Variants in STXBP2 observed in about 807,000 individuals in gnomAD.
STXBP2 encodes the protein syntaxin binding protein 2.
STXBP2 carries 47 observed loss-of-function variants against 72.2 expected under a neutral mutation model. The observed-to-expected ratio is 0.65, with a 90% CI of 0.51 to 0.83. The LOEUF (loss-of-function observed/expected upper bound fraction) is 0.83. Among genes scored for constraint, STXBP2 ranks in the 40% least tolerant of loss-of-function variants. STXBP2 has a pLI of 0.00. For synonymous variants in STXBP2, 367 were observed against 338.7 expected (o/e 1.08, Z -0.92); for missense variants, 702 against 807.6 (o/e 0.87, Z 1.58).
In STXBP2 at chr19:7,647,408, C is replaced by T. The variant is rs772431177; in HGVS notation, c.1593C>T (p.Gly531=). 11 of 1,612,030 alleles carry T rather than the reference C, an allele frequency of 6.8e-6. No individual in the cohort carries two copies. Among genetic ancestry groups the T allele is most frequent in the Non-Finnish European group, 1.7e-6 (2 of 1,178,830 alleles). ...KNKAGIEARA[G]PRLIVYVMGG... ...AGGCTGGCATAGAAGCCCGGGCGGGCCCCCGGCTCATCGTGTATGTCATGG... is the reference window on the plus strand; with the variant it reads ...AGGCTGGCATAGAAGCCCGGGCGGGTCCCCGGCTCATCGTGTATGTCATGG... The change falls in exon 18 of 19, where the codon GGC becomes GGT. Residue 531 remains glycine (G), a synonymous_variant. Coordinates refer to ENST00000221283, the MANE Select transcript of STXBP2 (RefSeq NM_006949.4).
At chr19:7,640,111 T>A in intron 4 of STXBP2, 1 of 594,600 alleles carries the variant, frequency 1.7e-6, no homozygotes, top group Non-Finnish European at 3.1e-6. Flanking sequence ...TGTCTGTGCA[T>A]GTGTGTATGC....
Position 7,647,334 on chromosome 19 carries a change from T to G in STXBP2, c.1539-20T>G, listed in dbSNP as rs779245767. The stretch of plus-strand genomic sequence containing the variant: ...CGGTGAGGGCCTCCTGCCTGGACTT[T>G]CTGCCCCTGCCCTGCACAGTGCCCG... On this transcript the variant is annotated intron_variant, in intron 17 of 18. Coordinates refer to ENST00000221283, the MANE Select transcript of STXBP2 (RefSeq NM_006949.4). 1 of 1,612,696 alleles carries G rather than the reference T, an allele frequency of 6.2e-7. No individual in the cohort carries two copies. The highest frequency in any genetic ancestry group is 1.3e-5 in the African/African-American group (1 of 74,926).
At chr19:7,632,428 T>C (rs762441699), upstream of STXBP2, 19 of 1,613,794 alleles carry the variant, frequency 1.2e-5, no homozygotes, top group South Asian at 1.6e-4. The surrounding 1 kb of genome is among the most constrained non-coding windows in gnomAD (Gnocchi z 5.2). Context: ...GGCAGGCTGC[T>C]GACTGTCACA....
At position 7,642,297 on chromosome 19, in the gene STXBP2, C is replaced by A. The variant is rs140252723; in HGVS notation, c.758C>A (p.Ala253Glu). The change falls in exon 9 of 19, where the codon GCG becomes GAG. Residue 253 changes from alanine (A) to glutamate (E), a missense_variant. Transcript: ENST00000221283. This position sits in a 1 kb window ranked among gnomAD's most constrained non-coding sequence, Gnocchi z 6.0. Reference sequence around the variant, plus strand: ...CATGAGCTCACGTTCCAGGCCATGGCGTATGATCTGCTGGACATAGAGCAG... The same window carrying A: ...CATGAGCTCACGTTCCAGGCCATGGAGTATGATCTGCTGGACATAGAGCAG... ...LLHELTFQAM[A>E]YDLLDIEQDT... 2.5e-6 allele frequency: 4 copies of A among 1,614,032 alleles called. No homozygotes were observed. The African/African-American group carries it at 5.3e-5, about 22-fold the overall frequency.
At chr19:7,644,474 A>G in intron 13 of STXBP2, 140 bp from the exon 14 acceptor site, 1 of 1,150,344 alleles carries the variant, frequency 8.7e-7, no homozygotes, top group Non-Finnish European at 1.2e-6. Context: ...CAGGGGTGGG[A>G]CCTTGAGAGA....
the STXBP2 span, chr19:7,631,124 C>CT: frequency 1.2e-6 from 1 of 818,966 alleles, no homozygotes; most frequent in African/African-American, 1.7e-5. Context: ...AGAAGAATCA[C>CT]TTGAACCCAG....
chr19:7,639,537 C>A, intron 3 of STXBP2, 194 bp from the exon 4 acceptor site: 2 of 638,740 alleles, frequency 3.1e-6, no homozygotes, highest in South Asian at 1.7e-5. Context: ...ATTTGGGGAA[C>A]CCAGTTGGCT....
At chr19:7,631,399 C>CGGGGGGGGGGTTGGGGGGGG in the STXBP2 span, 1 of 583,180 alleles carries the variant, frequency 1.7e-6, no homozygotes, top group Non-Finnish European at 2.4e-6. Flanking sequence ...GAGAGGTGGG[C>CGGGGGGGGGGTTGGGGGGGG]GGGGGGGGGT....
At chr19:7,631,080 C>A in the STXBP2 span, 1 of 729,298 alleles carries the variant, frequency 1.4e-6, no homozygotes, top group Non-Finnish European at 2.2e-6. Flanking sequence ...TGGTGGCAGG[C>A]GCCTATAATT....
chr19:7,631,095 C>G, the STXBP2 span: 1 of 745,520 alleles, frequency 1.3e-6, no homozygotes, highest in African/African-American at 1.8e-5. Flanking sequence ...ATAATTCCAG[C>G]TGCTTGGGAG....
rs374295803 is a variant in STXBP2, at chr19:7,644,152, T to C, written c.1108-462T>C. Among the ~76,000 whole-genome samples the C allele has an allele frequency of 8.7e-3, 991 of 114,022 alleles. 13 individuals are homozygous for C. The highest frequency in any genetic ancestry group is 0.03 in the South Asian group (93 of 3,102). 74.8% of individuals were successfully genotyped at this position (114,022 alleles called of 152,430 possible). On this transcript the variant is annotated intron_variant, in intron 13 of 18. Coordinates refer to ENST00000221283, the MANE Select transcript of STXBP2 (RefSeq NM_006949.4). ...GGGACTTGGGTGAGGGGTGGAGCCT[T>C]GGAGAGGTGGGACCTGGGTGAGGGG...
Position 7,642,087 on chromosome 19 carries a change from C to T in STXBP2, c.632C>T (p.Ala211Val). The change falls in exon 8 of 19, where the codon GCC becomes GTC. Residue 211 changes from alanine to valine, a missense_variant. By Grantham distance (64) the Ala-to-Val change is moderately conservative (BLOSUM62 0). Transcript: ENST00000221283. The surrounding 1 kb of genome is among the most constrained non-coding windows in gnomAD (Gnocchi z 6.0). Reference sequence around the variant, plus strand: ...CACGCCGTCCTGGCCAAGCTGAACGCCTTCAAGGCAGACACTCCCAGTCTG... The same window carrying T: ...CACGCCGTCCTGGCCAAGCTGAACGTCTTCAAGGCAGACACTCCCAGTCTG... ...LAHAVLAKLN[A>V]FKADTPSLGE... 6.2e-7 allele frequency: 1 copy of T among 1,614,110 alleles called. No individual in the cohort carries two copies.
intron 16 of STXBP2, chr19:7,646,563 C>G (rs2032146793): frequency 1.6e-6 from 1 of 622,288 alleles, no homozygotes; most frequent in South Asian, 1.8e-5. Flanking sequence ...ACTTCCTCCC[C>G]ACCTGCCGGC....
chr19:7,640,606 C>G (rs1406036611), intron 4 of STXBP2, 125 bp from the exon 5 acceptor site: 2 of 1,265,860 alleles, frequency 1.6e-6, no homozygotes, highest in South Asian at 2.5e-5. Context: ...TGCATTTGCA[C>G]ATATACATGT....
intron 6 of STXBP2, 101 bp downstream of exon 6, chr19:7,641,104 C>T (rs1320801898): frequency 4.8e-6 from 6 of 1,257,258 alleles, no homozygotes; most frequent in Non-Finnish European, 4.5e-6. Context: ...GTGGCTCATA[C>T]CTGTAATCCC....
upstream of STXBP2, among the ~76,000 whole-genome samples, chr19:7,635,114 TG>T (rs2031474832): frequency 6.6e-6 from 1 of 152,182 alleles, no homozygotes; most frequent in Admixed American, 6.5e-5. Context: ...TGGGGGTTAG[TG>T]GTGGGGTGGC....
In STXBP2 at chr19:7,641,006, A is replaced by T. The variant is rs1206049719; in HGVS notation, c.429+3A>T. 2 of 1,613,934 alleles carry T rather than the reference A, an allele frequency of 1.2e-6. No individual in the cohort carries two copies. The highest frequency in any genetic ancestry group is 1.7e-6 in the Non-Finnish European group (2 of 1,179,982). ...CCTTCCTCCCCTACGAGGCCCAGGTACGGCCCGGGCTCATCCTGGGCAGGG... is the reference window on the plus strand; with the variant it reads ...CCTTCCTCCCCTACGAGGCCCAGGTTCGGCCCGGGCTCATCCTGGGCAGGG... On this transcript the variant is annotated splice_donor_region_variant and intron_variant, in intron 6 of 18. Coordinates refer to ENST00000221283, the MANE Select transcript of STXBP2 (RefSeq NM_006949.4).
chr19:7,631,991 G>T, upstream of STXBP2: 1 of 547,648 alleles, frequency 1.8e-6, no homozygotes, highest in Non-Finnish European at 2.9e-6. Flanking sequence ...CAGGTCTTGG[G>T]GCCCTCGCTG....
In STXBP2 at chr19:7,647,221, C is replaced by A. The variant is rs1421852656; in HGVS notation, c.1512C>A (p.Pro504=). The change falls in exon 17 of 19, where the codon CCC becomes CCA. Residue 504 remains proline, a synonymous_variant. Transcript: ENST00000221283. ...GGCCCTTCGTATCCGACCCCGCCCC[C>A]ACGGCCAGCTCCCAGGCCGCTGTCA... ...NLWPFVSDPA[P]TASSQAAVSA... is the part of the protein sequence containing the mutation. 2 of 1,611,782 alleles carry A rather than the reference C, an allele frequency of 1.2e-6. No individual in the cohort carries two copies. Among genetic ancestry groups the A allele is most frequent in the Admixed American group, 1.7e-5 (1 of 59,994 alleles).
Sources: allele counts gnomAD v4.1 joint callset (sites outside exome capture counted in the v4.1 genomes callset), GRCh38; gene constraint gnomAD v4.1.1; non-coding constraint Gnocchi (gnomAD v3.1); transcripts MANE v1.5; gene names NCBI Gene and HGNC (gene_info 2026-07-23, HGNC 2026-07-21).